PKNOX2: variants seen among roughly 807,000 people sequenced by gnomAD.
The protein encoded by PKNOX2 is PBX/knotted 1 homeobox 2.
A neutral mutation model predicts 53.1 loss-of-function variants in PKNOX2; 14 were observed. The ratio of observed to expected loss-of-function variants is 0.26; its 90% CI spans 0.17 to 0.41. PKNOX2 has a LOEUF of 0.41. Among genes scored for constraint, PKNOX2 ranks in the 10% least tolerant of loss-of-function variants. PKNOX2 has a pLI of 1.00. For synonymous variants in PKNOX2, 257 were observed against 242.8 expected (o/e 1.06, Z -0.54); for missense variants, 496 against 602.8 (o/e 0.82, Z 1.85).
At chr11:125,390,321 G>A (rs1953967055) in intron 6 of PKNOX2, among the ~76,000 whole-genome samples, 1 of 152,156 alleles carries the variant, frequency 6.6e-6, no homozygotes, top group African/African-American at 2.4e-5. Context: ...CATGGCCCAG[G>A]CAGGAATCAA....
chr11:125,389,216 C>CAAACAAAA (rs1207317186), intron 6 of PKNOX2, among the ~76,000 whole-genome samples: 2 of 151,824 alleles, frequency 1.3e-5, no homozygotes, highest in African/African-American at 4.8e-5. Context: ...AACAAACAAA[C>CAAACAAAA]AAAAAACCCT....
chr11:125,214,932 C>T (rs1180685610), intron 1 of PKNOX2, among the ~76,000 whole-genome samples: 3 of 152,032 alleles, frequency 2.0e-5, no homozygotes, highest in Non-Finnish European at 2.9e-5. Context: ...GAGATAAAGG[C>T]GTGAGATCCC....
intron 1 of PKNOX2, among the ~76,000 whole-genome samples, chr11:125,233,302 G>C (rs980235217): frequency 6.6e-6 from 1 of 152,156 alleles, no homozygotes; most frequent in Admixed American, 6.5e-5. Flanking sequence ...CACAGGGCAG[G>C]GATAGAGCAT....
At position 125,379,576 on chromosome 11, in the gene PKNOX2, A is replaced by AG. The variant is rs576791429; in HGVS notation, c.228-5975_228-5974insG. On this transcript the variant is annotated intron_variant, in intron 5 of 12. Coordinates refer to ENST00000298282, the MANE Select transcript of PKNOX2 (RefSeq NM_001382323.2). ...GGGGAGGAATATGTGGGCTTTGCTG[A>AG]ATCTTGCCTGCCCCATGATGCTCTC... 1.8e-3 allele frequency among the ~76,000 whole-genome samples: 272 copies of AG among 152,246 alleles called. 4 individuals are homozygous for AG. In the South Asian group the frequency reaches 0.031, roughly 17 times the overall value.
intron 2 of PKNOX2, among the ~76,000 whole-genome samples, chr11:125,301,864 C>G (rs1046423788): frequency 6.6e-6 from 1 of 152,152 alleles, no homozygotes; most frequent in African/African-American, 2.4e-5. Flanking sequence ...TAATTTAAGC[C>G]AGGGAAAGCG....
intron 2 of PKNOX2, among the ~76,000 whole-genome samples, chr11:125,312,883 A>T (rs982043897): frequency 6.6e-6 from 1 of 152,186 alleles, no homozygotes; most frequent in Non-Finnish European, 1.5e-5. Context: ...CAGTGGCACA[A>T]GTAGATAAGG....
chr11:125,221,160 AAAC>A (rs201068972), intron 1 of PKNOX2, among the ~76,000 whole-genome samples: 2,492 of 152,144 alleles, frequency 0.016, 72 homozygotes, highest in African/African-American at 0.056. Flanking sequence ...GTCTAAAAAA[AAAC>A]AAAACAAAAA....
chr11:125,213,683 C>T (rs1051111366), intron 1 of PKNOX2, among the ~76,000 whole-genome samples: 3 of 152,138 alleles, frequency 2.0e-5, no homozygotes, highest in Non-Finnish European at 1.5e-5. Context: ...GTCTTGAACT[C>T]TTGGGCTCAA....
At chr11:125,231,854 G>A (rs889290653) in intron 1 of PKNOX2, among the ~76,000 whole-genome samples, 11 of 152,248 alleles carry the variant, frequency 7.2e-5, no homozygotes, top group Admixed American at 6.5e-4. Context: ...GGTGAGAGAA[G>A]ACACTATTAA....
chr11:125,366,646 C>T (rs370486120), intron 4 of PKNOX2, among the ~76,000 whole-genome samples: 7 of 152,082 alleles, frequency 4.6e-5, no homozygotes, highest in East Asian at 3.9e-4. Context: ...AGCATCTGAG[C>T]GGAGATCTAA....
At chr11:125,310,628 A>C (rs56733852) in intron 2 of PKNOX2, among the ~76,000 whole-genome samples, 13,348 of 152,172 alleles carry the variant, frequency 0.088, 1,021 homozygotes, top group East Asian at 0.2. Context: ...AAAAGAGGGA[A>C]AACTTTTGCC....
rs535719684 is a variant in PKNOX2 at position 125,271,062 on chromosome 11, C to T, written c.-130+35947C>T. Among the ~76,000 whole-genome samples, 15 of 152,266 alleles carry T rather than the reference C, an allele frequency of 9.9e-5. No homozygotes were observed. The East Asian group carries it at 1.9e-3, about 20-fold the overall frequency. Reference sequence around the variant, plus strand: ...CCTGTGACTCAACTTCTGTGTCTTTCATGGGGGCTGATGATCCTGTCTGTG... The same window carrying T: ...CCTGTGACTCAACTTCTGTGTCTTTTATGGGGGCTGATGATCCTGTCTGTG... On this transcript the variant is annotated intron_variant, in intron 2 of 12. Transcript: ENST00000298282.
intron 1 of PKNOX2, chr11:125,191,397 GC>G (rs1224644191): frequency 2.0e-5 from 3 of 152,264 alleles, no homozygotes; most frequent in Non-Finnish European, 4.4e-5. Context: ...ACCAAAGAGA[GC>G]AAGCCAGGAG....
Position 125,396,576 on chromosome 11 carries a change from C to CT in PKNOX2, c.400-1294dup, listed in dbSNP as rs201275403. Among the ~76,000 whole-genome samples, 106 of 107,862 alleles carry CT rather than the reference C, an allele frequency of 9.8e-4. 1 individual carries two copies. The highest frequency in any genetic ancestry group is 3.3e-3 in the African/African-American group (79 of 24,008). 70.8% of individuals were successfully genotyped at this position (107,862 alleles called of 152,430 possible). A position where few individuals can be genotyped will look rare whatever the true frequency, so the allele number is the denominator to read the frequency against. ...TTCATCCTAAAGAATAATGCAGAAACTTTTAAAAAAAAAAAAAAAAAGCTA... is the reference window on the plus strand; with the variant it reads ...TTCATCCTAAAGAATAATGCAGAAACTTTTTAAAAAAAAAAAAAAAAAGCTA... On this transcript the variant is annotated intron_variant, in intron 6 of 12. Coordinates refer to ENST00000298282, the MANE Select transcript of PKNOX2 (RefSeq NM_001382323.2).
chr11:125,174,862 G>T (rs539356956), intron 1 of PKNOX2, among the ~76,000 whole-genome samples: 30 of 152,156 alleles, frequency 2.0e-4, no homozygotes, highest in African/African-American at 7.2e-4. Flanking sequence ...CTCCCACTCT[G>T]CCCCCCACCC....
chr11:125,334,498 C>G (rs990356758), intron 3 of PKNOX2, among the ~76,000 whole-genome samples: 3 of 152,048 alleles, frequency 2.0e-5, no homozygotes, highest in Non-Finnish European at 4.4e-5. Context: ...GAAACTTAGG[C>G]TTTGGAACCA....
chr11:125,305,718 C>G (rs139199075), intron 2 of PKNOX2, among the ~76,000 whole-genome samples: 16 of 152,276 alleles, frequency 1.1e-4, no homozygotes, highest in Middle Eastern at 3.4e-3. Flanking sequence ...TCGGGAACGA[C>G]TGCAAAGGTG....
rs769339022 is a variant in PKNOX2 at position 125,178,638 on chromosome 11, GAAA to G, written c.-201+13863_-201+13865del. ...AGAAAGAAAGAAAGAAAGAAAGAAA[GAAA>G]GAAAGAAGGAAGGAAGGAAGGAAGG... On this transcript the variant is annotated intron_variant, in intron 1 of 12. Coordinates refer to ENST00000298282, the MANE Select transcript of PKNOX2 (RefSeq NM_001382323.2). 8.4e-3 allele frequency among the ~76,000 whole-genome samples: 802 copies of G among 94,998 alleles called. 15 individuals are homozygous for G. Among genetic ancestry groups the G allele is most frequent in the Non-Finnish European group, 0.01 (543 of 52,648 alleles). 62.3% of individuals were successfully genotyped at this position (94,998 alleles called of 152,430 possible).
intron 2 of PKNOX2, among the ~76,000 whole-genome samples, chr11:125,255,727 G>C (rs2135703294): frequency 6.6e-6 from 1 of 152,168 alleles, no homozygotes; most frequent in South Asian, 2.1e-4. Flanking sequence ...TGGGGGGCAA[G>C]GTGGGGGACG....
Sources: gnomAD v4.1 joint callset for allele counts (sites outside exome capture counted in the v4.1 genomes callset) on GRCh38, gnomAD v4.1.1 for gene constraint, MANE v1.5 for transcripts, NCBI Gene and HGNC (gene_info 2026-07-23, HGNC 2026-07-21) for gene names.